Variants in IFT80 observed in about 807,000 individuals in gnomAD.
The protein encoded by IFT80 is intraflagellar transport 80.
A neutral mutation model predicts 107.9 loss-of-function variants in IFT80; 79 were observed. The observed-to-expected ratio is 0.73, with a 90% CI of 0.61 to 0.88. The LOEUF (loss-of-function observed/expected upper bound fraction) is 0.88, where lower values mean the gene tolerates loss of function less well. Ranked by LOEUF, IFT80 falls within the 40% of genes least tolerant of loss-of-function variation. The pLI is 0.00. For missense variants in IFT80, 797 were observed against 914.2 expected, an observed-to-expected ratio of 0.87 and a Z score of 1.65; for synonymous variants, 299 against 300.9, an observed-to-expected ratio of 0.99 and a Z score of 0.07.
chr3:160,398,302 G>C lies in IFT80; in HGVS notation c.-47+844C>G, dbSNP rs181074984. On this transcript the variant is annotated intron_variant, in intron 1 of 19. Transcript: ENST00000326448. ...GAACCTGACTTCATGCTCTTCCAGG[G>C]AAGAACCATAATGTATTTAGAGTGA... Among the ~76,000 whole-genome samples the C allele has an allele frequency of 8.5e-5, 13 of 152,086 alleles. No homozygotes were observed. The East Asian group carries it at 2.3e-3, about 27-fold the overall frequency.
intron 18 of IFT80, among the ~76,000 whole-genome samples, chr3:160,274,194 G>A (rs1300840087): frequency 2.0e-5 from 3 of 152,044 alleles, no homozygotes; most frequent in African/African-American, 7.2e-5. Flanking sequence ...GATGAGGGAG[G>A]CAAAAAGGAC....
In IFT80 at chr3:160,381,584, T is replaced by C. The variant is rs780018349; in HGVS notation, c.178A>G (p.Ile60Val). 5.6e-6 allele frequency: 9 copies of C among 1,613,602 alleles called. No homozygotes were observed. Among genetic ancestry groups the C allele is most frequent in the Admixed American group, 1.7e-5 (1 of 59,976 alleles). ...CTTTTTGGAAACCAGTGAAAATCAATAGGGTAAATATCATCAGGAAGCTTT... is the reference window on the plus strand; with the variant it reads ...CTTTTTGGAAACCAGTGAAAATCAACAGGGTAAATATCATCAGGAAGCTTT... ...IVKLPDDIYP[I>V]DFHWFPKSLG... is the part of the protein sequence containing the mutation. Residue 60 changes from isoleucine to valine, a missense_variant, in exon 3 of 20, where the codon ATT (isoleucine) becomes GTT (valine). By Grantham distance (29) the Ile-to-Val change is conservative. Transcript: ENST00000326448.
rs375651542 is a variant in IFT80, at chr3:160,357,622, A to C, written c.550-44T>G. ...AGATATTAATTATAAGTTTAAAAGC[A>C]CTTAAGTTTTTTTCTGTAAGAAATA... On this transcript the variant is annotated intron_variant, in intron 6 of 19. Transcript: ENST00000326448. 7.7e-5 allele frequency: 102 copies of C among 1,326,884 alleles called. No individual in the cohort carries two copies. In the African/African-American group the frequency reaches 1.2e-3, roughly 16 times the overall value. 82.2% of individuals were successfully genotyped at this position (1,326,884 alleles called of 1,614,324 possible).
At chr3:160,342,229 A>C (rs1693193693) in intron 8 of IFT80, among the ~76,000 whole-genome samples, 2 of 152,168 alleles carry the variant, frequency 1.3e-5, no homozygotes, top group Admixed American at 1.3e-4. Context: ...AAAGACCCAG[A>C]AGAGGCCTTT....
chr3:160,324,858 C>T (rs550779118), intron 8 of IFT80, among the ~76,000 whole-genome samples: 10 of 152,214 alleles, frequency 6.6e-5, no homozygotes, highest in Admixed American at 4.6e-4. Context: ...TTGCAGACGA[C>T]ATGACTGTAT....
chr3:160,383,640 T>A lies in IFT80; in HGVS notation c.37+924A>T, dbSNP rs945792572. 9 of 980,360 alleles carry A rather than the reference T, an allele frequency of 9.2e-6. No individual in the cohort carries two copies. The African/African-American group carries it at 1.1e-4, about 11-fold the overall frequency. 60.7% of individuals were successfully genotyped at this position (980,360 alleles called of 1,614,324 possible). On this transcript the variant is annotated intron_variant, in intron 2 of 19. Transcript: ENST00000326448. ...CCTTACTTTCAATTTATTTACCTAT[T>A]CTTTCACAGACCTGCAATAAAGTCT...
At chr3:160,343,295 A>C (rs1720052758) in intron 8 of IFT80, among the ~76,000 whole-genome samples, 1 of 152,212 alleles carries the variant, frequency 6.6e-6, no homozygotes, top group African/African-American at 2.4e-5. Flanking sequence ...ATTCAAAGAC[A>C]GAGAAAATGA....
intron 8 of IFT80, chr3:160,342,845 GAAC>G (rs1264070646): frequency 6.6e-6 from 1 of 152,324 alleles, no homozygotes; most frequent in African/African-American, 2.4e-5. Flanking sequence ...ATAAAACAAA[GAAC>G]AACATAGTGA....
chr3:160,366,223 G>T, intron 5 of IFT80, 71 bp from the exon 6 acceptor site: 1 of 1,115,640 alleles, frequency 9.0e-7, no homozygotes, highest in Non-Finnish European at 1.3e-6. Flanking sequence ...AAGAGAGATT[G>T]TTAAGAGGAT....
intron 8 of IFT80, among the ~76,000 whole-genome samples, chr3:160,345,320 A>G (rs1720210190): frequency 6.6e-6 from 1 of 152,206 alleles, no homozygotes; most frequent in Non-Finnish European, 1.5e-5. Context: ...ATGTTAAGTG[A>G]AATAAGCCAG....
intron 1 of IFT80, among the ~76,000 whole-genome samples, chr3:160,388,036 AG>A (rs150298219): frequency 0.045 from 6,916 of 152,248 alleles, 221 homozygotes; most frequent in Middle Eastern, 0.078. Flanking sequence ...AGGAACTGAC[AG>A]GCCAGGGATT....
intron 8 of IFT80, among the ~76,000 whole-genome samples, chr3:160,337,321 C>T (rs1347031203): frequency 6.6e-6 from 1 of 152,096 alleles, no homozygotes; most frequent in East Asian, 1.9e-4. Flanking sequence ...TGATTATGAC[C>T]TTTATATTTA....
chr3:160,384,336 T>C (rs1407477639), intron 2 of IFT80: 5 of 1,102,002 alleles, frequency 4.5e-6, no homozygotes, highest in Non-Finnish European at 5.6e-6. Flanking sequence ...TTAAGTAGAG[T>C]AAGAAAAACG....
chr3:160,355,783 T>C (rs1471868655), intron 8 of IFT80, among the ~76,000 whole-genome samples: 1 of 152,202 alleles, frequency 6.6e-6, no homozygotes, highest in Non-Finnish European at 1.5e-5. Flanking sequence ...ATGCTCAAAA[T>C]AATATTTCCA....
rs764107423 is a variant in IFT80 at position 160,356,110 on chromosome 3, G to A, written c.680C>T (p.Pro227Leu). 6 of 1,614,000 alleles carry A rather than the reference G, an allele frequency of 3.7e-6. No homozygotes were observed. The highest frequency in any genetic ancestry group is 1.7e-5 in the Admixed American group (1 of 60,002). ...AACTGAAGTAATGGGATGCTCATGA[G>A]GTTGTGAATTGTACAGTGGGCGGCC... The part of the protein sequence containing the change: ...SYGRPLYNSQ[P>L]HEHPITSVAW... Residue 227 changes from proline to leucine, a missense_variant, in exon 8 of 20, where the codon CCT becomes CTT. By Grantham distance (98) the Pro-to-Leu change is moderately conservative. Transcript: ENST00000326448.
At chr3:160,308,515 C>A (rs773029562) in intron 9 of IFT80, among the ~76,000 whole-genome samples, 1 of 151,912 alleles carries the variant, frequency 6.6e-6, no homozygotes, top group South Asian at 2.1e-4. Flanking sequence ...GTTAAATTTA[C>A]GTATCTCTGG....
intron 16 of IFT80, among the ~76,000 whole-genome samples, chr3:160,278,812 C>G (rs969196437): frequency 1.3e-5 from 2 of 152,062 alleles, no homozygotes; most frequent in African/African-American, 4.8e-5. Flanking sequence ...AAAGGCTGAT[C>G]GAAAGCAGAG....
chr3:160,274,879 C>T (rs937115309), intron 18 of IFT80, among the ~76,000 whole-genome samples: 10 of 152,200 alleles, frequency 6.6e-5, no homozygotes, highest in South Asian at 2.1e-4. Context: ...GAGATCGTGC[C>T]GCCGCACTCC....
At chr3:160,319,998 T>C in intron 8 of IFT80, 59 bp from the exon 9 acceptor site, 1 of 1,229,066 alleles carries the variant, frequency 8.1e-7, no homozygotes, top group Non-Finnish European at 1.2e-6. Flanking sequence ...TTAGGAAGTT[T>C]TAAATCAGGC....
Sources: allele counts gnomAD v4.1 joint callset (sites outside exome capture counted in the v4.1 genomes callset), GRCh38; gene constraint gnomAD v4.1.1; transcripts MANE v1.5; gene names NCBI Gene and HGNC (gene_info 2026-07-23, HGNC 2026-07-21).